The following ELOVL6 variants were observed in gnomAD, a reference collection of about 807,000 sequenced individuals.
The protein encoded by ELOVL6 is ELOVL fatty acid elongase 6.
A neutral mutation model predicts 31.7 loss-of-function variants in ELOVL6; 8 were observed. That is an observed-to-expected ratio of 0.25 (90% CI 0.15 to 0.45). The LOEUF (loss-of-function observed/expected upper bound fraction) is 0.45, where lower values mean the gene tolerates loss of function less well. Among genes scored for constraint, ELOVL6 ranks in the 20% least tolerant of loss-of-function variants. The probability of loss-of-function intolerance (pLI) is 1.00; values close to 1 mark genes in which losing one functional copy is unlikely to be tolerated. For missense variants in ELOVL6, 126 were observed against 326.4 expected (o/e 0.39, Z 4.73); for synonymous variants, 101 against 117.7 (o/e 0.86, Z 0.92).
intron 1 of ELOVL6, among the ~76,000 whole-genome samples, chr4:110,162,153 T>C (rs756520555): frequency 6.6e-6 from 1 of 152,136 alleles, no homozygotes; most frequent in Non-Finnish European, 1.5e-5. Context: ...AGTTAAAAAA[T>C]AAACTAAAAG....
chr4:110,091,421 C>T (rs895358646), intron 2 of ELOVL6, among the ~76,000 whole-genome samples: 2 of 152,126 alleles, frequency 1.3e-5, no homozygotes, highest in Non-Finnish European at 2.9e-5. Context: ...TTTTCTTCTC[C>T]ACTATCCTCT....
chr4:110,077,155 C>T (rs1258466150), intron 2 of ELOVL6, among the ~76,000 whole-genome samples: 1 of 152,322 alleles, frequency 6.6e-6, no homozygotes, highest in Admixed American at 6.5e-5. Context: ...TAGACTCCAC[C>T]TCTGGGGGCA....
chr4:110,123,263 A>G (rs1757403289), intron 1 of ELOVL6, among the ~76,000 whole-genome samples: 1 of 152,210 alleles, frequency 6.6e-6, no homozygotes, highest in South Asian at 2.1e-4. Context: ...CTAAACAGTA[A>G]AAATTGTATT....
intron 2 of ELOVL6, among the ~76,000 whole-genome samples, chr4:110,084,588 A>ATATATATT (rs1553956261): frequency 1.0e-4 from 3 of 29,654 alleles, no homozygotes; most frequent in African/African-American, 2.2e-4. Context: ...ATATATATAT[A>ATATATATT]TTTTTTTTTT....
At chr4:110,162,804 G>A (rs1247485564) in intron 1 of ELOVL6, among the ~76,000 whole-genome samples, 1 of 152,124 alleles carries the variant, frequency 6.6e-6, no homozygotes, top group Non-Finnish European at 1.5e-5. Flanking sequence ...TGTTTACTGA[G>A]CTTCTACTAC....
rs1560849770 is a variant in ELOVL6 at position 110,158,650 on chromosome 4, TA to T, written c.89+39596del. On this transcript the variant is annotated intron_variant, in intron 1 of 3. Transcript: ENST00000302274. The stretch of plus-strand genomic sequence containing the variant: ...ATATACACGTGTATATATATATATA[TA>T]TATATATTTTTTTTTTTTTTTTTTT... Among the ~76,000 whole-genome samples, 519 of 91,604 alleles carry T rather than the reference TA, an allele frequency of 5.7e-3. 7 individuals are homozygous for T. The highest frequency in any genetic ancestry group is 0.03 in the African/African-American group (495 of 16,294). The allele number at this position is 91,604 out of a possible 152,430, so 60.1% of individuals were successfully genotyped here.
Position 110,084,563 on chromosome 4 carries a change from G to GATATAT in ELOVL6, c.221+20928_221+20933dup, listed in dbSNP as rs1553956219. On this transcript the variant is annotated intron_variant, in intron 2 of 3. Transcript: ENST00000302274. ...ACACACACACACACACACACACACA[G>GATATAT]ATATATATATATATATATATATATA... Among the ~76,000 whole-genome samples, 208 of 44,526 alleles carry GATATAT rather than the reference G, an allele frequency of 4.7e-3. 1 individual carries two copies. Among genetic ancestry groups the GATATAT allele is most frequent in the Non-Finnish European group, 5.9e-3 (170 of 28,972 alleles). 29.2% of individuals were successfully genotyped at this position (44,526 alleles called of 152,430 possible).
chr4:110,061,574 T>TTTTTTTTTTTA (rs869229149), intron 2 of ELOVL6, among the ~76,000 whole-genome samples: 1 of 127,522 alleles, frequency 7.8e-6, no homozygotes, highest in Non-Finnish European at 1.6e-5. Context: ...TTTTTTTTTT[T>TTTTTTTTTTTA]GAGACAGAAT....
intron 1 of ELOVL6, among the ~76,000 whole-genome samples, chr4:110,132,669 A>C (rs939667959): frequency 2.0e-5 from 3 of 151,900 alleles, no homozygotes; most frequent in African/African-American, 7.3e-5. Context: ...AAATACAAAA[A>C]TTCAAAAAAT....
At position 110,051,171 on chromosome 4, in the gene ELOVL6, C is replaced by T; in HGVS notation, c.*167G>A. 1.5e-6 allele frequency: 1 copy of T among 687,256 alleles called. No homozygotes were observed. 42.6% of individuals were successfully genotyped at this position (687,256 alleles called of 1,614,324 possible). A position where few individuals can be genotyped will look rare whatever the true frequency, so the allele number is the denominator to read the frequency against. ...GTCCTCACCCTAAAAGGATCATAAA[C>T]TTACTGGGTTAAATCAACCTAATTA... On this transcript the variant is annotated 3_prime_UTR_variant, in exon 4 of 4. Coordinates refer to ENST00000302274, the MANE Select transcript of ELOVL6 (RefSeq NM_024090.3). This position sits in a 1 kb window ranked among gnomAD's most constrained non-coding sequence, Gnocchi z 4.8.
intron 1 of ELOVL6, among the ~76,000 whole-genome samples, chr4:110,118,996 G>A (rs962528213): frequency 5.9e-5 from 9 of 152,276 alleles, no homozygotes; most frequent in Middle Eastern, 3.4e-3. Context: ...GGGAGGTGGC[G>A]GAGGTTGCAG....
At chr4:110,181,348 T>C (rs1353667637) in intron 1 of ELOVL6, among the ~76,000 whole-genome samples, 1 of 152,018 alleles carries the variant, frequency 6.6e-6, no homozygotes, top group Non-Finnish European at 1.5e-5. Flanking sequence ...CTCGGGAGGC[T>C]GAGGTGGGAG....
At chr4:110,118,382 AC>A (rs1340265405) in intron 1 of ELOVL6, among the ~76,000 whole-genome samples, 3 of 152,104 alleles carry the variant, frequency 2.0e-5, no homozygotes, top group African/African-American at 7.2e-5. Flanking sequence ...CTCTTTATTA[AC>A]CACTTTTATA....
At chr4:110,117,903 A>AAAAATT in intron 1 of ELOVL6, 7 of 6,502 alleles carry the variant, frequency 1.1e-3, no homozygotes, top group African/African-American at 2.3e-3. Flanking sequence ...AAAAAAAAAA[A>AAAAATT]ATATATATAT....
At chr4:110,066,323 C>T (rs973072615) in intron 2 of ELOVL6, among the ~76,000 whole-genome samples, 10 of 152,184 alleles carry the variant, frequency 6.6e-5, no homozygotes, top group Admixed American at 6.5e-4. Context: ...TATAGGATTA[C>T]AGTGCCTGTG....
chr4:110,168,155 A>T (rs2126272154), intron 1 of ELOVL6, among the ~76,000 whole-genome samples: 1 of 152,312 alleles, frequency 6.6e-6, no homozygotes, highest in Admixed American at 6.5e-5. Flanking sequence ...CTTTGAGAGT[A>T]AATCATTTTT....
At position 110,197,046 on chromosome 4, in the gene ELOVL6, G is replaced by A. The variant is rs113272147; in HGVS notation, c.89+1201C>T. Among the ~76,000 whole-genome samples, 1,472 of 152,352 alleles carry A rather than the reference G, an allele frequency of 9.7e-3. 24 individuals carry two copies. The highest frequency in any genetic ancestry group is 0.034 in the African/African-American group (1,408 of 41,586). On this transcript the variant is annotated intron_variant, in intron 1 of 3. Transcript: ENST00000302274. ...GGCCACAGGCGCGCCGGCGTTTCTG[G>A]TTTCCAGTTGAAGAGGGCAGGCGGG... is the stretch of plus-strand genomic sequence containing the variant.
intron 2 of ELOVL6, among the ~76,000 whole-genome samples, chr4:110,095,875 T>C (rs1466360487): frequency 6.6e-6 from 1 of 152,080 alleles, no homozygotes; most frequent in Non-Finnish European, 1.5e-5. Context: ...GTAAAGGAGA[T>C]TTGCATACAT....
At chr4:110,123,693 T>C (rs1400173651) in intron 1 of ELOVL6, among the ~76,000 whole-genome samples, 1 of 152,152 alleles carries the variant, frequency 6.6e-6, no homozygotes, top group Non-Finnish European at 1.5e-5. Flanking sequence ...GGAGGAAATG[T>C]ATAAGGCAGG....
Sources: gnomAD v4.1 joint callset for allele counts (sites outside exome capture counted in the v4.1 genomes callset) on GRCh38, gnomAD v4.1.1 for gene constraint, Gnocchi (gnomAD v3.1) non-coding constraint, MANE v1.5 for transcripts, NCBI Gene and HGNC (gene_info 2026-07-23, HGNC 2026-07-21) for gene names.